GRM5: variants seen among roughly 807,000 people sequenced by gnomAD.
The protein encoded by GRM5 is metabotropic glutamate receptor 5.
A neutral mutation model predicts 83.1 loss-of-function variants in GRM5; 19 were observed. That is an observed-to-expected ratio of 0.23 (90% CI 0.16 to 0.34). The LOEUF is 0.34. Ranked by LOEUF, GRM5 falls within the 10% of genes least tolerant of loss-of-function variation. GRM5 has a pLI of 1.00. For synonymous variants in GRM5, 675 were observed against 633.6 expected, an observed-to-expected ratio of 1.07 and a Z score of -0.98; for missense variants, 1,160 against 1,588.3, an observed-to-expected ratio of 0.73 and a Z score of 4.58.
At chr11:89,005,244 G>A (rs1940492470) in intron 2 of GRM5, among the ~76,000 whole-genome samples, 1 of 152,206 alleles carries the variant, frequency 6.6e-6, no homozygotes, top group Admixed American at 6.5e-5. Context: ...GTCAGAGCTT[G>A]TTGAAAGACT....
At position 88,508,763 on chromosome 11, in the gene GRM5, G is replaced by C; in HGVS notation, c.3468C>G (p.Asp1156Glu). 2.0e-6 allele frequency: 3 copies of C among 1,516,494 alleles called. No individual in the cohort carries two copies. The highest frequency in any genetic ancestry group is 1.8e-6 in the Non-Finnish European group (2 of 1,138,142). 93.9% of individuals were successfully genotyped at this position (1,516,494 alleles called of 1,614,324 possible). A position where few individuals can be genotyped will look rare whatever the true frequency, so the allele number is the denominator to read the frequency against. Residue 1156 changes from aspartate (D) to glutamate (E), a missense_variant, in exon 10 of 10, where the codon GAC becomes GAG. Physicochemically the swap from Asp to Glu is conservative, Grantham distance 45. This residue lies in a region of GRM5 where 562 missense variants were observed against 532.4 expected (regional missense o/e 1.06). Transcript: ENST00000305447. This position sits in a 1 kb window ranked among gnomAD's most constrained non-coding sequence, Gnocchi z 4.2. ...AGPEAAAAKP[D>E]LEELVALTPP... ...GGGTGAGAGCCACCAGCTCCTCCAG[G>C]TCTGGCTTGGCGGCCGCAGCCTCGG...
At chr11:88,685,714 T>A (rs1160670134) in intron 3 of GRM5, among the ~76,000 whole-genome samples, 6 of 152,152 alleles carry the variant, frequency 3.9e-5, no homozygotes, top group Non-Finnish European at 8.8e-5. Flanking sequence ...TGACTAAAAG[T>A]GGCCAAGGTA....
At chr11:88,688,371 C>G (rs1056109031) in intron 3 of GRM5, among the ~76,000 whole-genome samples, 11 of 152,048 alleles carry the variant, frequency 7.2e-5, no homozygotes, top group African/African-American at 2.7e-4. Context: ...ATATTTACAA[C>G]TATAATAAGT....
In GRM5 at chr11:88,585,754, T is replaced by TG. The variant is rs149306186; in HGVS notation, c.1690+4846_1690+4847insC. On this transcript the variant is annotated intron_variant, in intron 7 of 9. Transcript: ENST00000305447. ...CAATATTCAGTATCTTATTATTACT[T>TG]TCAATATTTGGAAAAATTATCTCCA... Among the ~76,000 whole-genome samples the TG allele has an allele frequency of 7.3e-3, 1,116 of 152,304 alleles. 11 individuals are homozygous for TG. Among genetic ancestry groups the TG allele is most frequent in the African/African-American group, 0.026 (1,079 of 41,576 alleles).
chr11:89,033,189 ACAGCCAT>A (rs1181641661), intron 2 of GRM5, among the ~76,000 whole-genome samples: 1 of 152,062 alleles, frequency 6.6e-6, no homozygotes, highest in Non-Finnish European at 1.5e-5. Flanking sequence ...AAGTGCAGGT[ACAGCCAT>A]CTGTCATCTT....
chr11:88,896,914 T>C (rs181267299), intron 2 of GRM5, among the ~76,000 whole-genome samples: 108 of 151,968 alleles, frequency 7.1e-4, no homozygotes, highest in Middle Eastern at 3.4e-3. Context: ...TGCAATCCAG[T>C]CAAGTTGACA....
intron 2 of GRM5, among the ~76,000 whole-genome samples, chr11:88,997,333 T>TAAAAAAAAAAAAAAA (rs371168643): frequency 8.3e-6 from 1 of 119,938 alleles, no homozygotes; most frequent in Non-Finnish European, 1.8e-5. Flanking sequence ...GTCTCAAAAT[T>TAAAAAAAAAAAAAAA]AAAAAAAAAA....
At chr11:88,841,638 G>A (rs561727162) in intron 3 of GRM5, among the ~76,000 whole-genome samples, 2 of 152,242 alleles carry the variant, frequency 1.3e-5, no homozygotes, top group South Asian at 4.1e-4. Context: ...TGCTGGATTT[G>A]TTTATCTTGA....
In GRM5 at chr11:88,786,845, C is replaced by T. The variant is rs115484780; in HGVS notation, c.911+63061G>A. Among the ~76,000 whole-genome samples the T allele has an allele frequency of 2.6e-3, 402 of 152,074 alleles. 2 individuals carry two copies. The highest frequency in any genetic ancestry group is 8.6e-3 in the African/African-American group (355 of 41,510). Reference sequence around the variant, plus strand: ...CTTCATGAAGACAGGGGCTTCTGTTCGTTTTGCTAATTGCTGGACTCTGGG... The same window carrying T: ...CTTCATGAAGACAGGGGCTTCTGTTTGTTTTGCTAATTGCTGGACTCTGGG... On this transcript the variant is annotated intron_variant, in intron 3 of 9. Transcript: ENST00000305447.
At chr11:88,984,973 G>A (rs2135031083) in intron 2 of GRM5, 1 of 545,148 alleles carries the variant, frequency 1.8e-6, no homozygotes, top group Non-Finnish European at 3.3e-6. Flanking sequence ...ACAGTATTAT[G>A]TGTATCATCA....
intron 2 of GRM5, among the ~76,000 whole-genome samples, chr11:89,004,618 T>C (rs1350360251): frequency 1.3e-5 from 2 of 152,210 alleles, no homozygotes; most frequent in Non-Finnish European, 2.9e-5. Context: ...AAAGTGGGCA[T>C]GCACAAGGTA....
chr11:88,545,049 A>G (rs566312520), intron 8 of GRM5, among the ~76,000 whole-genome samples: 12 of 152,292 alleles, frequency 7.9e-5, no homozygotes, highest in East Asian at 1.9e-4. Flanking sequence ...TAAACCCTCA[A>G]CCAACATCTG....
intron 3 of GRM5, among the ~76,000 whole-genome samples, chr11:88,749,862 AT>A (rs368339224): frequency 9.9e-5 from 15 of 151,668 alleles, no homozygotes; most frequent in South Asian, 2.1e-4. Flanking sequence ...AGTAAGGAGA[AT>A]TTTTTTTTGA....
At chr11:88,593,919 A>G (rs1298647330) in intron 6 of GRM5, among the ~76,000 whole-genome samples, 3 of 151,338 alleles carry the variant, frequency 2.0e-5, no homozygotes, top group African/African-American at 4.8e-5. Flanking sequence ...TCAGCCTCCC[A>G]AGTAGCTGGG....
At chr11:88,872,873 C>T (rs1944792652) in intron 2 of GRM5, among the ~76,000 whole-genome samples, 1 of 151,064 alleles carries the variant, frequency 6.6e-6, no homozygotes, top group African/African-American at 2.4e-5. Flanking sequence ...CTATCATTTA[C>T]CTTATATGTA....
chr11:89,043,569 T>C (rs1941579208), intron 2 of GRM5, among the ~76,000 whole-genome samples: 1 of 139,354 alleles, frequency 7.2e-6, no homozygotes, highest in African/African-American at 3.2e-5. Flanking sequence ...TATTAATGCA[T>C]GTTATTTTTT....
intron 3 of GRM5, among the ~76,000 whole-genome samples, chr11:88,742,890 C>G (rs1169750320): frequency 6.6e-6 from 1 of 152,022 alleles, no homozygotes; most frequent in African/African-American, 2.4e-5. Flanking sequence ...ACCCCCTACC[C>G]CAGTCAGAAT....
chr11:89,036,281 C>T (rs1941383137), intron 2 of GRM5, among the ~76,000 whole-genome samples: 1 of 151,824 alleles, frequency 6.6e-6, no homozygotes. Context: ...CAATAAGCAC[C>T]CTACCTTTTT....
At chr11:89,050,114 G>C (rs955700608) in intron 1 of GRM5, among the ~76,000 whole-genome samples, 2 of 152,048 alleles carry the variant, frequency 1.3e-5, no homozygotes, top group Non-Finnish European at 2.9e-5. Flanking sequence ...CATTTAAGTT[G>C]TTTTATGAAA....
Sources: gnomAD v4.1 joint callset for allele counts (sites outside exome capture counted in the v4.1 genomes callset) on GRCh38, gnomAD v4.1.1 for gene constraint, gnomAD v4.1.1 regional missense constraint, Gnocchi (gnomAD v3.1) non-coding constraint, MANE v1.5 for transcripts, NCBI Gene and HGNC (gene_info 2026-07-23, HGNC 2026-07-21) for gene names.